The following EFHB variants were observed in gnomAD, a reference collection of about 807,000 sequenced individuals.
EFHB encodes the protein EF-hand domain family member B.
Under a neutral mutation model 87.2 loss-of-function variants are expected in EFHB, and 91 were observed. The observed-to-expected ratio is 1.04, with a 90% CI of 0.88 to 1.24. The LOEUF is 1.24. Among genes scored for constraint, EFHB ranks in the 50% most tolerant of loss-of-function variants. The pLI is 0.00. For missense variants in EFHB, 1,084 were observed against 998.8 expected (o/e 1.09, Z -1.15); for synonymous variants, 325 against 333.6 (o/e 0.97, Z 0.28).
chr3:19,880,284 C>G (rs2071641720), intron 12 of EFHB, among the ~76,000 whole-genome samples: 1 of 149,384 alleles, frequency 6.7e-6, no homozygotes, highest in South Asian at 2.1e-4. Flanking sequence ...GAGTCTCACT[C>G]TGTTGCCCAG....
At chr3:19,934,313 C>G, upstream of EFHB, 1 of 1,236,242 alleles carries the variant, frequency 8.1e-7, no homozygotes, top group Non-Finnish European at 1.0e-6. Context: ...CTCTCTCTCT[C>G]TCAATCTCTC....
chr3:19,927,900 T>G (rs1475655313), intron 1 of EFHB, among the ~76,000 whole-genome samples: 1 of 150,516 alleles, frequency 6.6e-6, no homozygotes, highest in East Asian at 1.9e-4. Context: ...AAGTAAATAA[T>G]ACTATAAATA....
At position 19,933,403 on chromosome 3, in the gene EFHB, T is replaced by C; in HGVS notation, c.616A>G (p.Lys206Glu). 6.2e-7 allele frequency: 1 copy of C among 1,614,026 alleles called. No individual in the cohort carries two copies. The highest frequency in any genetic ancestry group is 8.5e-7 in the Non-Finnish European group (1 of 1,179,894). Residue 206 changes from lysine (K) to glutamate (E), a missense_variant, in exon 1 of 13, where the codon AAG becomes GAG. Lys to Glu is a moderately conservative substitution (Grantham distance 56). Coordinates refer to ENST00000295824, the MANE Select transcript of EFHB (RefSeq NM_144715.4). ...LTQAEGPDET[K>E]NTEPQMGLVI... is the part of the protein sequence containing the mutation. Reference sequence around the variant, plus strand: ...AAGCCCATTTGGGGCTCTGTATTCTTAGTCTCATCTGGCCCCTCGGCTTGG... The same window carrying C: ...AAGCCCATTTGGGGCTCTGTATTCTCAGTCTCATCTGGCCCCTCGGCTTGG...
chr3:19,924,677 T>C (rs1232031648), intron 1 of EFHB, among the ~76,000 whole-genome samples: 1 of 152,226 alleles, frequency 6.6e-6, no homozygotes, highest in Non-Finnish European at 1.5e-5. Flanking sequence ...TCTGCATGAT[T>C]CTTTAGGATT....
chr3:19,923,759 G>A (rs1695519833), intron 1 of EFHB, among the ~76,000 whole-genome samples: 1 of 152,184 alleles, frequency 6.6e-6, no homozygotes, highest in Admixed American at 6.5e-5. Flanking sequence ...CACAAACATA[G>A]AGGGAATAGG....
chr3:19,882,232 G>C (rs1220183275), intron 12 of EFHB, among the ~76,000 whole-genome samples: 1 of 152,058 alleles, frequency 6.6e-6, no homozygotes, highest in African/African-American at 2.4e-5. Flanking sequence ...AGGCCATCAG[G>C]ATGCTTACAT....
At chr3:19,924,567 T>A (rs1457129082) in intron 1 of EFHB, among the ~76,000 whole-genome samples, 1 of 152,204 alleles carries the variant, frequency 6.6e-6, no homozygotes, top group Admixed American at 6.5e-5. Context: ...TACTCGTGGA[T>A]TTCTATTTTA....
At chr3:19,918,915 G>C (rs1304387440) in intron 3 of EFHB, among the ~76,000 whole-genome samples, 1 of 149,164 alleles carries the variant, frequency 6.7e-6, no homozygotes, top group Non-Finnish European at 1.5e-5. Context: ...GGTAAGTGGA[G>C]GTTATAGTGA....
chr3:19,940,306 G>C, intron 1 of EFHB: 1 of 282,908 alleles, frequency 3.5e-6, no homozygotes. Context: ...ATCAGAGGGA[G>C]GAGATCCACC....
intron 9 of EFHB, among the ~76,000 whole-genome samples, chr3:19,889,144 G>A (rs1694214174): frequency 6.6e-6 from 1 of 152,168 alleles, no homozygotes; most frequent in African/African-American, 2.4e-5. Context: ...GAGGAGGGTG[G>A]AGGGAAAAAG....
At chr3:19,908,542 A>AAGAG (rs1553632049) in intron 5 of EFHB, among the ~76,000 whole-genome samples, 1 of 113,058 alleles carries the variant, frequency 8.8e-6, no homozygotes, top group Non-Finnish European at 1.9e-5. Flanking sequence ...CAAAAAAAGA[A>AAGAG]AGAAAGAGAG....
Position 19,920,510 on chromosome 3 carries a change from G to A in EFHB, c.847C>T (p.Pro283Ser), listed in dbSNP as rs897607047. 6.2e-7 allele frequency: 1 copy of A among 1,601,694 alleles called. No homozygotes were observed. Among genetic ancestry groups the A allele is most frequent in the Non-Finnish European group, 8.5e-7 (1 of 1,175,720 alleles). The change falls in exon 2 of 13, where the codon CCC (proline) becomes TCC (serine). Residue 283 changes from proline (P) to serine (S), a missense_variant. Pro to Ser is a moderately conservative substitution (Grantham distance 74). Transcript: ENST00000295824. The part of the protein sequence containing the change: ...RVATCLTEKL[P>S]RLITPPEAKK... ...GGTATATTGAAAGTGCTCACCCTGGGAAGTTTTTCAGTCAAGCAGGTTGCA... is the reference window on the plus strand; with the variant it reads ...GGTATATTGAAAGTGCTCACCCTGGAAAGTTTTTCAGTCAAGCAGGTTGCA...
chr3:19,887,104 G>A (rs1266681205), intron 10 of EFHB, among the ~76,000 whole-genome samples: 1 of 152,098 alleles, frequency 6.6e-6, no homozygotes, highest in East Asian at 1.9e-4. Flanking sequence ...AAGCTGGCTG[G>A]GCATGTTGGC....
intron 1 of EFHB, among the ~76,000 whole-genome samples, chr3:19,930,223 T>C (rs1218078532): frequency 1.3e-5 from 2 of 152,240 alleles, no homozygotes; most frequent in Admixed American, 1.3e-4. Context: ...GTTATTATTC[T>C]TGTGTTATAA....
chr3:19,908,614 A>AGAGGG (rs1694943953), intron 5 of EFHB, among the ~76,000 whole-genome samples: 1 of 128,704 alleles, frequency 7.8e-6, no homozygotes, highest in African/African-American at 3.4e-5. Flanking sequence ...GAAAGAAAGA[A>AGAGGG]AGAAAGAAAG....
At chr3:19,896,541 TTG>T (rs761689489) in intron 9 of EFHB, 144 bp downstream of exon 9, 4 of 1,070,446 alleles carry the variant, frequency 3.7e-6, no homozygotes, top group Non-Finnish European at 5.7e-6. Context: ...ACAGGCGTGA[TTG>T]TGTTCCAGTA....
intron 9 of EFHB, 60 bp downstream of exon 9, chr3:19,896,627 A>T: frequency 6.2e-7 from 1 of 1,611,462 alleles, no homozygotes; most frequent in South Asian, 1.1e-5. Flanking sequence ...CCTGATCTAC[A>T]CCAAACTGCT....
upstream of EFHB, among the ~76,000 whole-genome samples, chr3:19,935,564 T>C (rs1695992285): frequency 1.3e-5 from 2 of 151,584 alleles, no homozygotes; most frequent in African/African-American, 4.9e-5. Context: ...ATATAAAAAT[T>C]AGCTGGGCAT....
At chr3:19,925,631 G>A (rs1695597639) in intron 1 of EFHB, among the ~76,000 whole-genome samples, 2 of 152,088 alleles carry the variant, frequency 1.3e-5, no homozygotes, top group African/African-American at 2.4e-5. Flanking sequence ...CAACACCGGA[G>A]ACACCTTGCT....
Sources: gnomAD v4.1 joint callset for allele counts (sites outside exome capture counted in the v4.1 genomes callset) on GRCh38, gnomAD v4.1.1 for gene constraint, MANE v1.5 for transcripts, NCBI Gene and HGNC (gene_info 2026-07-23, HGNC 2026-07-21) for gene names.